The following CCR5AS variants were observed in gnomAD, a reference collection of about 807,000 sequenced individuals.
CCR5AS encodes the protein CCR5 antisense RNA.
At chr3:46,366,135 G>A (rs1313544131) in intron 3 of CCR5AS, among the ~76,000 whole-genome samples, 4 of 152,210 alleles carry the variant, frequency 2.6e-5, no homozygotes, top group African/African-American at 9.7e-5. Context: ...AGGAGTTGAT[G>A]TGATGGGTGT....
At chr3:46,385,802 G>T (rs189914549) in intron 2 of CCR5AS, among the ~76,000 whole-genome samples, 1 of 151,570 alleles carries the variant, frequency 6.6e-6, no homozygotes, top group East Asian at 2.0e-4. Flanking sequence ...GTGCAGTGGC[G>T]CAGTCTCAGC....
intron 1 of CCR5AS, among the ~76,000 whole-genome samples, chr3:46,393,418 C>T (rs1054243351): frequency 7.1e-6 from 1 of 141,340 alleles, no homozygotes; most frequent in African/African-American, 2.7e-5. Flanking sequence ...CTGCAGTGAG[C>T]CAAGATCACA....
rs1005508601 is a variant in CCR5AS at position 46,383,489 on chromosome 3, T to G, written n.391+9336A>C. Among the ~76,000 whole-genome samples, 8 of 152,148 alleles carry G rather than the reference T, an allele frequency of 5.3e-5. No individual in the cohort carries two copies. The East Asian group carries it at 1.5e-3, about 29-fold the overall frequency. ...TCTGGCAAAGCCCCATGGGCAGGGG[T>G]GGCTTAGGCACAGGAAACAAGTAGG... is the stretch of plus-strand genomic sequence containing the variant. On this transcript the variant is annotated intron_variant and non_coding_transcript_variant, in intron 2 of 3. Transcript: ENST00000451485.
At chr3:46,402,977 T>G (rs1412190694) in intron 1 of CCR5AS, among the ~76,000 whole-genome samples, 1 of 152,194 alleles carries the variant, frequency 6.6e-6, no homozygotes, top group East Asian at 1.9e-4. Flanking sequence ...CACTTATAAG[T>G]GAGAATACAA....
Position 46,374,251 on chromosome 3 carries a change from G to A in CCR5AS, n.392-2834C>T, listed in dbSNP as rs41414147. The A allele has an allele frequency of 2.1e-3, 583 of 279,840 alleles. 5 individuals carry two copies. Among genetic ancestry groups the A allele is most frequent in the African/African-American group, 0.012 (540 of 45,526 alleles). 17.3% of individuals were successfully genotyped at this position (279,840 alleles called of 1,614,324 possible). A position where few individuals can be genotyped will look rare whatever the true frequency, so the allele number is the denominator to read the frequency against. ...GACAAACTCTCCCTTCACTCCGAAA[G>A]TTCCTTATGTATATTTAAAAGAAAG... On this transcript the variant is annotated intron_variant and non_coding_transcript_variant, in intron 2 of 3. Transcript: ENST00000451485.
intron 2 of CCR5AS, among the ~76,000 whole-genome samples, chr3:46,389,324 G>A (rs1032917329): frequency 2.6e-5 from 4 of 152,194 alleles, no homozygotes; most frequent in African/African-American, 9.7e-5. Flanking sequence ...AATCCAATGG[G>A]GAGGGTCGTG....
chr3:46,371,920 C>A (rs1701666145), intron 2 of CCR5AS, among the ~76,000 whole-genome samples: 1 of 152,122 alleles, frequency 6.6e-6, no homozygotes, highest in Non-Finnish European at 1.5e-5. Flanking sequence ...CCTTTTAATT[C>A]TCTTTTCGAG....
At chr3:46,381,208 A>G (rs1252866252) in intron 2 of CCR5AS, among the ~76,000 whole-genome samples, 1 of 152,198 alleles carries the variant, frequency 6.6e-6, no homozygotes, top group Non-Finnish European at 1.5e-5. Flanking sequence ...TCTCTTGTAT[A>G]GAAAAGGGCC....
At chr3:46,399,652 A>G (rs370713613) in intron 1 of CCR5AS, among the ~76,000 whole-genome samples, 1 of 152,282 alleles carries the variant, frequency 6.6e-6, no homozygotes, top group East Asian at 1.9e-4. Context: ...GTGCAGGGGG[A>G]GAGATTAGCC....
chr3:46,382,769 C>A (rs891521516), intron 2 of CCR5AS, among the ~76,000 whole-genome samples: 13 of 152,166 alleles, frequency 8.5e-5, no homozygotes, highest in African/African-American at 2.7e-4. Context: ...CTGTAGGAGA[C>A]AGTGTGAGTC....
intron 2 of CCR5AS, among the ~76,000 whole-genome samples, chr3:46,382,942 T>G (rs944084601): frequency 6.6e-6 from 1 of 152,244 alleles, no homozygotes; most frequent in African/African-American, 2.4e-5. Context: ...GTTCAGAGGA[T>G]AAATGAGAAA....
intron 1 of CCR5AS, among the ~76,000 whole-genome samples, chr3:46,394,516 A>T (rs1701943600): frequency 6.6e-6 from 1 of 152,136 alleles, no homozygotes; most frequent in South Asian, 2.1e-4. Context: ...GCCCATCGTG[A>T]GTCCCACCAG....
chr3:46,385,772 G>C (rs1701855583), intron 2 of CCR5AS, among the ~76,000 whole-genome samples: 1 of 151,310 alleles, frequency 6.6e-6, no homozygotes, highest in African/African-American at 2.4e-5. Flanking sequence ...ATGGAGTCTG[G>C]TTCTGTCACC....
intron 3 of CCR5AS, chr3:46,370,804 G>T (rs1195281435): frequency 2.6e-5 from 4 of 152,138 alleles, no homozygotes; most frequent in African/African-American, 9.7e-5. Flanking sequence ...CTTATTTTAA[G>T]CTCAACTTAA....
At chr3:46,374,452 G>T (rs1303300464) in intron 2 of CCR5AS, 1 of 167,344 alleles carries the variant, frequency 6.0e-6, no homozygotes, top group African/African-American at 2.4e-5. Flanking sequence ...GTAAAGAAAT[G>T]ACACTTTTCA....
chr3:46,397,491 G>A (rs907593080), intron 1 of CCR5AS, among the ~76,000 whole-genome samples: 1 of 152,226 alleles, frequency 6.6e-6, no homozygotes, highest in Non-Finnish European at 1.5e-5. Context: ...ACAGTGCAGT[G>A]CCTGGTGCCA....
chr3:46,384,585 A>G (rs1701842484), intron 2 of CCR5AS, among the ~76,000 whole-genome samples: 1 of 152,194 alleles, frequency 6.6e-6, no homozygotes, highest in Admixed American at 6.5e-5. Context: ...TGCCTATGTT[A>G]CTGTGAACAG....
chr3:46,383,383 T>C (rs1291657155), intron 2 of CCR5AS, among the ~76,000 whole-genome samples: 1 of 152,196 alleles, frequency 6.6e-6, no homozygotes, highest in Non-Finnish European at 1.5e-5. Flanking sequence ...CCTTCTGGAC[T>C]CTGACAGAAG....
At chr3:46,365,580 C>T (rs1392299923) in intron 3 of CCR5AS, among the ~76,000 whole-genome samples, 2 of 152,158 alleles carry the variant, frequency 1.3e-5, no homozygotes, top group Non-Finnish European at 2.9e-5. Context: ...CCAAGGTGTG[C>T]CTGAACCTCT....
Sources: allele counts gnomAD v4.1 joint callset (sites outside exome capture counted in the v4.1 genomes callset), GRCh38; gene constraint gnomAD v4.1.1; transcripts MANE v1.5; gene names NCBI Gene and HGNC (gene_info 2026-07-23, HGNC 2026-07-21).